Variants in ABLIM1 observed in about 807,000 individuals in gnomAD.
ABLIM1 encodes the protein actin-binding LIM protein 1.
ABLIM1 carries 40 observed loss-of-function variants against 107.0 expected under a neutral mutation model. The observed-to-expected ratio is 0.37, with a 90% CI of 0.29 to 0.49. The LOEUF is 0.49. Ranked by LOEUF, ABLIM1 falls within the 20% of genes least tolerant of loss-of-function variation. ABLIM1 has a pLI of 0.97. For synonymous variants in ABLIM1, 357 were observed against 357.3 expected, an observed-to-expected ratio of 1.00 and a Z score of 0.01; for missense variants, 857 against 1,008.5, an observed-to-expected ratio of 0.85 and a Z score of 2.04.
intron 1 of ABLIM1, among the ~76,000 whole-genome samples, chr10:114,657,265 A>C (rs2079567357): frequency 6.6e-6 from 1 of 152,154 alleles, no homozygotes; most frequent in African/African-American, 2.4e-5. Flanking sequence ...TCCTGTACCA[A>C]TTCTAGGTCT....
the ABLIM1 span, among the ~76,000 whole-genome samples, chr10:114,790,393 C>T: frequency 6.6e-6 from 1 of 151,628 alleles, no homozygotes; most frequent in African/African-American, 2.4e-5. Context: ...CTTTAAAAGA[C>T]ATTGGAAATT....
At chr10:114,786,842 C>T in the ABLIM1 span, among the ~76,000 whole-genome samples, 23 of 152,272 alleles carry the variant, frequency 1.5e-4, no homozygotes, top group Admixed American at 1.1e-3. Context: ...TCTCGGCTCG[C>T]TACAACATCC....
chr10:114,646,131 G>T (rs1391456081), intron 1 of ABLIM1, among the ~76,000 whole-genome samples: 1 of 152,198 alleles, frequency 6.6e-6, no homozygotes, highest in African/African-American at 2.4e-5. Context: ...GGATTTGGAG[G>T]AGATTAGAGG....
At chr10:114,541,899 AACAC>A (rs66907896) in intron 6 of ABLIM1, among the ~76,000 whole-genome samples, 23,666 of 150,266 alleles carry the variant, frequency 0.16, 2,197 homozygotes, top group Middle Eastern at 0.3. Context: ...GAAGGGAATC[AACAC>A]ACACACACAC....
intron 1 of ABLIM1, among the ~76,000 whole-genome samples, chr10:114,683,077 C>G (rs2080813934): frequency 6.6e-6 from 1 of 152,196 alleles, no homozygotes; most frequent in Non-Finnish European, 1.5e-5. Flanking sequence ...TACACGAATG[C>G]ATTCTAATTA....
chr10:114,714,528 G>A (rs1477080778), intron 1 of ABLIM1, among the ~76,000 whole-genome samples: 1 of 152,182 alleles, frequency 6.6e-6, no homozygotes, highest in Admixed American at 6.5e-5. Context: ...TTGTGACTGA[G>A]GTTACCAACA....
chr10:114,647,913 T>C (rs1290368826), intron 1 of ABLIM1, among the ~76,000 whole-genome samples: 1 of 152,248 alleles, frequency 6.6e-6, no homozygotes, highest in Non-Finnish European at 1.5e-5. Flanking sequence ...TACCTTTCTT[T>C]ATATAATGTT....
chr10:114,602,757 G>T (rs1433048075), intron 1 of ABLIM1, among the ~76,000 whole-genome samples: 2 of 152,186 alleles, frequency 1.3e-5, no homozygotes, highest in African/African-American at 4.8e-5. Context: ...ACATGATGGG[G>T]CTTACAAGGA....
rs779169008 is a variant in ABLIM1, at chr10:114,571,349, T to C, written c.621A>G (p.Gln207=). 13 of 1,614,014 alleles carry C rather than the reference T, an allele frequency of 8.1e-6. No individual in the cohort carries two copies. The highest frequency in any genetic ancestry group is 1.1e-5 in the Non-Finnish European group (13 of 1,179,982). The part of the protein sequence containing the change: ...VTFNGRDCLC[Q]LCAQPMSSSP... ...TGGACGACATCGGCTGTGCACAGAG[T>C]TGACAAAGGCAGTCTCTCCCATTGA... Residue 207 remains glutamine (Q), a synonymous_variant, in exon 4 of 23, where the codon CAA becomes CAG. Transcript: ENST00000533213.
intron 1 of ABLIM1, among the ~76,000 whole-genome samples, chr10:114,761,264 G>A (rs140484700): frequency 0.01 from 885 of 84,458 alleles, 11 homozygotes; most frequent in African/African-American, 0.029. Context: ...TCAAGAAATC[G>A]GCAAAAAAAA....
At chr10:114,673,797 C>T (rs368378464) in intron 1 of ABLIM1, among the ~76,000 whole-genome samples, 11 of 152,166 alleles carry the variant, frequency 7.2e-5, no homozygotes, top group African/African-American at 2.7e-4. Flanking sequence ...TATTTGGACA[C>T]GATGACGGGC....
chr10:114,561,301 C>G (rs2069664404), intron 4 of ABLIM1, among the ~76,000 whole-genome samples: 1 of 152,174 alleles, frequency 6.6e-6, no homozygotes, highest in Non-Finnish European at 1.5e-5. Flanking sequence ...AAAGAAGGGG[C>G]AGAATGTCAC....
chr10:114,636,847 A>G (rs930396572), intron 1 of ABLIM1, among the ~76,000 whole-genome samples: 2 of 152,066 alleles, frequency 1.3e-5, no homozygotes, highest in African/African-American at 2.4e-5. Context: ...AGCCTGGCCA[A>G]CACGGTGAAA....
chr10:114,683,235 C>T (rs1272423124), intron 1 of ABLIM1, among the ~76,000 whole-genome samples: 7 of 152,202 alleles, frequency 4.6e-5, no homozygotes, highest in African/African-American at 1.2e-4. Flanking sequence ...GTGGGGCCAT[C>T]GTCCACTTTA....
intron 2 of ABLIM1, among the ~76,000 whole-genome samples, chr10:114,580,139 A>G (rs566565550): frequency 2.0e-5 from 3 of 150,986 alleles, no homozygotes; most frequent in East Asian, 3.9e-4. Context: ...CAGCCATCTT[A>G]TTCTGACATT....
Position 114,547,727 on chromosome 10 carries a change from C to T in ABLIM1, c.723G>A (p.Ala241=). ...ACCCCAAGTGCCACTGCTTATCCAG[C>T]GCCAGCAGCGCCTGCCCATTCTTGA... ...RDIKNGQALL[A]LDKQWHLGCF... Residue 241 remains alanine (A), a synonymous_variant, in exon 5 of 23, where the codon GCG becomes GCA. Transcript: ENST00000533213. 6.2e-7 allele frequency: 1 copy of T among 1,613,162 alleles called. No individual in the cohort carries two copies. Among genetic ancestry groups the T allele is most frequent in the East Asian group, 2.2e-5 (1 of 44,888 alleles).
chr10:114,605,371 CCCCTT>C (rs1326585891), intron 1 of ABLIM1, among the ~76,000 whole-genome samples: 9 of 152,302 alleles, frequency 5.9e-5, no homozygotes, highest in African/African-American at 2.2e-4. Context: ...ATTCTGCACT[CCCCTT>C]ATCTGCCAAC....
At chr10:114,437,422 G>A (rs755591661) in intron 22 of ABLIM1, among the ~76,000 whole-genome samples, 17 of 150,968 alleles carry the variant, frequency 1.1e-4, no homozygotes, top group South Asian at 8.4e-4. Flanking sequence ...GGATTCAAGC[G>A]ATTCTCCTGC....
chr10:114,518,335 T>C (rs1179698774), intron 6 of ABLIM1, among the ~76,000 whole-genome samples: 1 of 152,088 alleles, frequency 6.6e-6, no homozygotes, highest in Non-Finnish European at 1.5e-5. Context: ...GTGAGCTTAT[T>C]GTAAATAAAT....
Sources: gnomAD v4.1 joint callset for allele counts (sites outside exome capture counted in the v4.1 genomes callset) on GRCh38, gnomAD v4.1.1 for gene constraint, MANE v1.5 for transcripts, NCBI Gene and HGNC (gene_info 2026-07-23, HGNC 2026-07-21) for gene names.